Variants in FAM13A observed in about 807,000 individuals in gnomAD.
FAM13A encodes the protein protein FAM13A.
FAM13A carries 76 observed loss-of-function variants against 129.6 expected under a neutral mutation model. That is an observed-to-expected ratio of 0.59 (90% CI 0.49 to 0.71). The LOEUF (loss-of-function observed/expected upper bound fraction) is 0.71. Among genes scored for constraint, FAM13A ranks in the 30% least tolerant of loss-of-function variants. The probability of loss-of-function intolerance (pLI) is 0.00; values close to 1 mark genes in which losing one functional copy is unlikely to be tolerated. For synonymous variants in FAM13A, 443 were observed against 449.9 expected, an observed-to-expected ratio of 0.98 and a Z score of 0.20; for missense variants, 1,108 against 1,249.3, an observed-to-expected ratio of 0.89 and a Z score of 1.70.
chr4:88,745,700 A>T (rs1741166104), intron 19 of FAM13A, among the ~76,000 whole-genome samples: 3 of 152,184 alleles, frequency 2.0e-5, no homozygotes, highest in Non-Finnish European at 4.4e-5. Context: ...AAAGTTTCAC[A>T]GTGTATTTGA....
intron 4 of FAM13A, among the ~76,000 whole-genome samples, chr4:88,982,413 ACT>A (rs1483765611): frequency 6.6e-6 from 1 of 152,184 alleles, no homozygotes; most frequent in Non-Finnish European, 1.5e-5. Context: ...ATGGATTCTA[ACT>A]CTGCCAATTG....
chr4:88,966,061 T>C (rs981128759), intron 4 of FAM13A, among the ~76,000 whole-genome samples: 1 of 152,224 alleles, frequency 6.6e-6, no homozygotes, highest in Non-Finnish European at 1.5e-5. Flanking sequence ...CTCTTTTGGA[T>C]ATATTTACCC....
chr4:88,781,409 T>C, intron 10 of FAM13A, 58 bp from the exon 11 acceptor site: 1 of 1,192,970 alleles, frequency 8.4e-7, no homozygotes, highest in Non-Finnish European at 1.2e-6. Context: ...CATTGAATGA[T>C]ACTCTAACTA....
At chr4:89,052,553 C>T (rs922939819) in intron 1 of FAM13A, among the ~76,000 whole-genome samples, 2 of 149,748 alleles carry the variant, frequency 1.3e-5, no homozygotes, top group African/African-American at 4.9e-5. Context: ...AAGGAACTTG[C>T]ACTCTGGGCC....
chr4:88,775,837 T>C (rs1337633268), intron 11 of FAM13A, among the ~76,000 whole-genome samples: 1 of 152,216 alleles, frequency 6.6e-6, no homozygotes, highest in Non-Finnish European at 1.5e-5. Flanking sequence ...TTTTACCTAT[T>C]CTTTAGCACA....
chr4:89,051,783 G>T (rs568088029), intron 1 of FAM13A, among the ~76,000 whole-genome samples: 19 of 152,190 alleles, frequency 1.2e-4, no homozygotes, highest in African/African-American at 4.3e-4. Context: ...GAAAGGAATG[G>T]CAGGTCCTGA....
At chr4:88,903,925 T>C (rs979345900) in intron 6 of FAM13A, among the ~76,000 whole-genome samples, 7 of 151,722 alleles carry the variant, frequency 4.6e-5, no homozygotes, top group African/African-American at 1.7e-4. Flanking sequence ...AACACATTTA[T>C]AAGAAAAAAA....
intron 7 of FAM13A, among the ~76,000 whole-genome samples, chr4:88,810,841 T>G (rs1729532624): frequency 6.6e-6 from 1 of 152,202 alleles, no homozygotes; most frequent in Non-Finnish European, 1.5e-5. Flanking sequence ...TATACATACA[T>G]ATAAATCAGA....
chr4:88,825,364 C>T (rs1293706968), intron 7 of FAM13A, among the ~76,000 whole-genome samples: 10 of 151,678 alleles, frequency 6.6e-5, no homozygotes, highest in South Asian at 2.1e-4. Flanking sequence ...TACAGGTGCT[C>T]GCCACCATGC....
intron 11 of FAM13A, among the ~76,000 whole-genome samples, chr4:88,777,090 T>C (rs1390719675): frequency 6.6e-6 from 1 of 151,720 alleles, no homozygotes; most frequent in Non-Finnish European, 1.5e-5. Context: ...ACTCAAAGTA[T>C]TAAACTCTGC....
At chr4:88,933,966 T>G (rs1753449504) in intron 5 of FAM13A, among the ~76,000 whole-genome samples, 1 of 152,144 alleles carries the variant, frequency 6.6e-6, no homozygotes, top group African/African-American at 2.4e-5. Context: ...CTCATTTCGT[T>G]TCAATTCCAT....
intron 6 of FAM13A, among the ~76,000 whole-genome samples, chr4:88,881,944 T>C (rs1338523929): frequency 6.6e-6 from 1 of 151,602 alleles, no homozygotes. Context: ...AAAAAGAATT[T>C]AAAAAAAATG....
chr4:89,029,691 C>T lies in FAM13A; in HGVS notation c.28-42G>A, dbSNP rs762156198. Reference sequence around the variant, plus strand: ...AAAAAAGAGCAGTCAGTCATATTTACCACAGGAGGTTGCATGGTTACAACA... The same window carrying T: ...AAAAAAGAGCAGTCAGTCATATTTATCACAGGAGGTTGCATGGTTACAACA... On this transcript the variant is annotated intron_variant, in intron 1 of 23. Coordinates refer to ENST00000264344, the MANE Select transcript of FAM13A (RefSeq NM_014883.4). The T allele has an allele frequency of 3.3e-6, 5 of 1,526,782 alleles. No individual in the cohort carries two copies. The Admixed American group carries it at 5.9e-5, about 18-fold the overall frequency. The allele number at this position is 1,526,782 out of a possible 1,614,324, so 94.6% of individuals were successfully genotyped here.
At chr4:88,921,352 C>T (rs1313587890) in intron 5 of FAM13A, among the ~76,000 whole-genome samples, 2 of 152,206 alleles carry the variant, frequency 1.3e-5, no homozygotes, top group Admixed American at 1.3e-4. Flanking sequence ...CAGCGGATCT[C>T]TCGGCAGAAA....
intron 21 of FAM13A, among the ~76,000 whole-genome samples, chr4:88,733,387 T>A (rs1417374649): frequency 5.3e-5 from 8 of 152,258 alleles, no homozygotes. Context: ...CAGCTGTGAC[T>A]TCAGACCTTG....
At chr4:88,954,731 C>CA (rs1757473232) in intron 4 of FAM13A, among the ~76,000 whole-genome samples, 2 of 151,776 alleles carry the variant, frequency 1.3e-5, no homozygotes, top group African/African-American at 4.8e-5. Flanking sequence ...ACTTAAAATT[C>CA]AAAAATTAGC....
At chr4:88,728,954 C>T (rs996423287) in intron 23 of FAM13A, 1 of 219,430 alleles carries the variant, frequency 4.6e-6, no homozygotes, top group African/African-American at 2.3e-5. Flanking sequence ...TCACATTGAG[C>T]TCTCATACAC....
intron 3 of FAM13A, among the ~76,000 whole-genome samples, chr4:89,004,798 G>C (rs1027467799): frequency 3.9e-5 from 6 of 152,204 alleles, no homozygotes; most frequent in African/African-American, 1.4e-4. Context: ...TGGGAAGGGA[G>C]ATTACATTAA....
At chr4:89,025,680 A>G (rs540313090) in intron 2 of FAM13A, among the ~76,000 whole-genome samples, 2 of 152,354 alleles carry the variant, frequency 1.3e-5, no homozygotes, top group African/African-American at 4.8e-5. Context: ...GGAAAAGAAA[A>G]TAATTAAAAA....
Sources: gnomAD v4.1 joint callset for allele counts (sites outside exome capture counted in the v4.1 genomes callset) on GRCh38, gnomAD v4.1.1 for gene constraint, MANE v1.5 for transcripts, NCBI Gene and HGNC (gene_info 2026-07-23, HGNC 2026-07-21) for gene names.